RGS7: variants seen among roughly 807,000 people sequenced by gnomAD.
RGS7 encodes regulator of G-protein signaling 7.
A neutral mutation model predicts 81.1 loss-of-function variants in RGS7; 27 were observed. That is an observed-to-expected ratio of 0.33 (90% CI 0.25 to 0.46). RGS7 has a LOEUF of 0.46. Among genes scored for constraint, RGS7 ranks in the 20% least tolerant of loss-of-function variants. The pLI is 1.00. For missense variants in RGS7, 396 were observed against 607.4 expected (o/e 0.65, Z 3.66); for synonymous variants, 208 against 207.7 (o/e 1.00, Z -0.01).
rs947289859 is a variant in RGS7, at chr1:241,126,235, C to T, written c.79-27473G>A. Among the ~76,000 whole-genome samples, 48 of 151,892 alleles carry T rather than the reference C, an allele frequency of 3.2e-4. 1 individual carries two copies. The highest frequency in any genetic ancestry group is 3.0e-3 in the Admixed American group (45 of 15,246). ...TGCAATCTCGGCTCAATGCAACCTC[C>T]GCCTCCCGGGTTCAAGGAATTCTCC... On this transcript the variant is annotated intron_variant, in intron 2 of 18. Transcript: ENST00000440928.
chr1:240,859,061 T>A (rs1661667735), intron 9 of RGS7, among the ~76,000 whole-genome samples: 1 of 152,248 alleles, frequency 6.6e-6, no homozygotes, highest in Admixed American at 6.5e-5. Context: ...AAAGAATTGA[T>A]ATAATTTGTC....
chr1:241,310,553 C>CT (rs112549538), intron 2 of RGS7, among the ~76,000 whole-genome samples: 2,975 of 135,852 alleles, frequency 0.022, 80 homozygotes, highest in African/African-American at 0.074. Flanking sequence ...AGGACTATGT[C>CT]TTTTTTTTTT....
chr1:241,022,252 T>C (rs1336864855), intron 3 of RGS7, among the ~76,000 whole-genome samples: 2 of 152,230 alleles, frequency 1.3e-5, no homozygotes, highest in African/African-American at 4.8e-5. Flanking sequence ...CAACTTGGTC[T>C]TGCTTTTAAC....
At chr1:241,128,031 C>T (rs2066794031) in intron 2 of RGS7, among the ~76,000 whole-genome samples, 1 of 152,064 alleles carries the variant, frequency 6.6e-6, no homozygotes, top group Non-Finnish European at 1.5e-5. Context: ...GTAATTCCAG[C>T]ACTTTGGGAG....
chr1:240,805,215 C>CA (rs34255194), intron 15 of RGS7, among the ~76,000 whole-genome samples: 76,090 of 148,802 alleles, frequency 0.51, 21,327 homozygotes, highest in Non-Finnish European at 0.64. Context: ...CCTGTCTCTA[C>CA]AAAAAAAAAT....
rs181904304 is a variant in RGS7 at position 240,908,491 on chromosome 1, C to G, written c.385+22226G>C. Among the ~76,000 whole-genome samples, 199 of 152,244 alleles carry G rather than the reference C, an allele frequency of 1.3e-3. 2 individuals are homozygous for G. Among genetic ancestry groups the G allele is most frequent in the African/African-American group, 4.1e-3 (171 of 41,524 alleles). ...CACATGAACAAATGAATGAATGAAT[C>G]AATCAATCAACGTCTTTCCTATAGT... On this transcript the variant is annotated intron_variant, in intron 6 of 18. Coordinates refer to ENST00000440928, the MANE Select transcript of RGS7 (RefSeq NM_001364886.1).
intron 9 of RGS7, among the ~76,000 whole-genome samples, chr1:240,836,371 T>C (rs1228881668): frequency 6.6e-6 from 1 of 152,194 alleles, no homozygotes; most frequent in Admixed American, 6.5e-5. Context: ...GTTTGAAGGT[T>C]ACTGCAATTA....
At chr1:241,023,809 G>C (rs1044911289) in intron 3 of RGS7, among the ~76,000 whole-genome samples, 11 of 152,182 alleles carry the variant, frequency 7.2e-5, no homozygotes, top group Non-Finnish European at 1.5e-4. Flanking sequence ...GCAATGGCGC[G>C]ATCTTGGCTC....
intron 2 of RGS7, among the ~76,000 whole-genome samples, chr1:241,261,033 T>G (rs1161458379): frequency 1.3e-5 from 2 of 151,644 alleles, no homozygotes; most frequent in Non-Finnish European, 2.9e-5. Context: ...GTAACTAACC[T>G]GCACAATGTG....
chr1:241,249,568 A>G (rs1427112969), intron 2 of RGS7, among the ~76,000 whole-genome samples: 5 of 152,162 alleles, frequency 3.3e-5, no homozygotes, highest in African/African-American at 9.7e-5. Context: ...TCATTTCCAT[A>G]TAAATTTTAT....
intron 2 of RGS7, among the ~76,000 whole-genome samples, chr1:241,115,532 G>C (rs1347064371): frequency 6.6e-6 from 1 of 152,096 alleles, no homozygotes; most frequent in Non-Finnish European, 1.5e-5. Context: ...TTCTCAATAG[G>C]GGAAGAAACA....
chr1:240,806,959 A>G (rs2103074396), intron 14 of RGS7, among the ~76,000 whole-genome samples: 1 of 152,348 alleles, frequency 6.6e-6, no homozygotes, highest in Non-Finnish European at 1.5e-5. Flanking sequence ...TGTTAAGGTA[A>G]TTTAATTGAG....
chr1:240,922,541 A>C (rs1485961310), intron 6 of RGS7, among the ~76,000 whole-genome samples: 1 of 152,152 alleles, frequency 6.6e-6, no homozygotes, highest in African/African-American at 2.4e-5. Context: ...CAACACAATT[A>C]AAAAATCGGC....
intron 15 of RGS7, among the ~76,000 whole-genome samples, chr1:240,803,937 G>C (rs995632655): frequency 6.6e-6 from 1 of 151,622 alleles, no homozygotes; most frequent in Non-Finnish European, 1.5e-5. Context: ...GCAATAATTT[G>C]AAGTTACTTT....
chr1:240,820,107 GA>G (rs529748253), intron 10 of RGS7, among the ~76,000 whole-genome samples: 8 of 152,038 alleles, frequency 5.3e-5, no homozygotes, highest in East Asian at 1.9e-4. Flanking sequence ...GCATGTTTTA[GA>G]AAAAAAATGT....
chr1:241,128,838 G>T (rs1342400355), intron 2 of RGS7, among the ~76,000 whole-genome samples: 1 of 149,822 alleles, frequency 6.7e-6, no homozygotes, highest in Non-Finnish European at 1.5e-5. Flanking sequence ...ATACAAAGGG[G>T]TGATAACTCT....
chr1:241,040,685 T>G (rs562416809), intron 3 of RGS7, among the ~76,000 whole-genome samples: 1 of 152,210 alleles, frequency 6.6e-6, no homozygotes, highest in African/African-American at 2.4e-5. Flanking sequence ...AGACAGGGTT[T>G]TACCATCTTG....
At chr1:240,913,877 TCTTC>T (rs916024070) in intron 6 of RGS7, among the ~76,000 whole-genome samples, 3 of 152,062 alleles carry the variant, frequency 2.0e-5, no homozygotes, top group African/African-American at 7.2e-5. Context: ...TCTTCAAAAT[TCTTC>T]CTTTTGTTTT....
intron 2 of RGS7, among the ~76,000 whole-genome samples, chr1:241,123,431 A>G (rs983928337): frequency 6.6e-6 from 1 of 152,142 alleles, no homozygotes; most frequent in Admixed American, 6.5e-5. Context: ...CCTAAGATAC[A>G]ATCACTCAAA....
Sources: allele counts gnomAD v4.1 joint callset (sites outside exome capture counted in the v4.1 genomes callset), GRCh38; gene constraint gnomAD v4.1.1; transcripts MANE v1.5; gene names NCBI Gene and HGNC (gene_info 2026-07-23, HGNC 2026-07-21).